IRS2: variants seen among roughly 807,000 people sequenced by gnomAD.
IRS2 encodes insulin receptor substrate 2.
In IRS2, 28 loss-of-function variants were observed where a neutral mutation model predicts 70.9. The ratio of observed to expected loss-of-function variants is 0.39; its 90% CI spans 0.29 to 0.54. The LOEUF (loss-of-function observed/expected upper bound fraction) is 0.54. IRS2 is among the 20% of genes least tolerant of loss of function. The pLI, the probability that IRS2 is intolerant of heterozygous loss-of-function variation, is 0.59. For synonymous variants in IRS2, 1,217 were observed against 981.9 expected (o/e 1.24, Z -4.48); for missense variants, 2,081 against 2,024.1 (o/e 1.03, Z -0.54).
At position 109,785,054 on chromosome 13, in the gene IRS2, T is replaced by TG; in HGVS notation, c.999dup (p.Ser334GlnfsTer205). Reference sequence around the variant, plus strand: ...GAGCGGCGCACCAGGCCCGTCTGGCTGGGGGGCAGGTTGACCAGGTGGTGG... The same window carrying TG: ...GAGCGGCGCACCAGGCCCGTCTGGCTGGGGGGGCAGGTTGACCAGGTGGTGG... On this transcript the variant is annotated frameshift_variant, in exon 1 of 2. Transcript: ENST00000375856. LOFTEE classifies it high-confidence loss of function. The surrounding 1 kb of genome is among the most constrained non-coding windows in gnomAD (Gnocchi z 9.3). 3.8e-6 allele frequency: 6 copies of TG among 1,558,804 alleles called. No individual in the cohort carries two copies. The highest frequency in any genetic ancestry group is 5.2e-6 in the Non-Finnish European group (6 of 1,153,752).
intron 1 of IRS2, among the ~76,000 whole-genome samples, chr13:109,769,544 C>T (rs551692784): frequency 2.6e-5 from 4 of 152,294 alleles, no homozygotes; most frequent in East Asian, 1.9e-4. Context: ...TCTGTAAGAC[C>T]GGCTTCCCCT....
At position 109,784,204 on chromosome 13, in the gene IRS2, G is replaced by T. The variant is rs1210140293; in HGVS notation, c.1850C>A (p.Pro617His). ...GSAGRLCPSC[P>H]ASSPKVAYHP... The stretch of plus-strand genomic sequence containing the variant: ...GTAGGCCACCTTGGGAGAGGACGCG[G>T]GGCAGGACGGGCAGAGGCGGCCCGC... Residue 617 changes from proline to histidine, a missense_variant, in exon 1 of 2, where the codon CCC becomes CAC. This residue lies in a region of IRS2 where 1,615 missense variants were observed against 1,459.5 expected (regional missense o/e 1.11). Transcript: ENST00000375856. The surrounding 1 kb of genome is among the most constrained non-coding windows in gnomAD (Gnocchi z 5.2). 6 of 1,572,064 alleles carry T rather than the reference G, an allele frequency of 3.8e-6. No individual in the cohort carries two copies. The highest frequency in any genetic ancestry group is 1.3e-5 in the African/African-American group (1 of 74,310).
chr13:109,782,476 C>T lies in IRS2; in HGVS notation c.3578G>A (p.Gly1193Asp), dbSNP rs1383650129. 3 of 1,559,196 alleles carry T rather than the reference C, an allele frequency of 1.9e-6. No homozygotes were observed. The highest frequency in any genetic ancestry group is 2.6e-6 in the Non-Finnish European group (3 of 1,152,528). The change falls in exon 1 of 2, where the codon GGC becomes GAC. Residue 1193 changes from glycine (G) to aspartate (D), a missense_variant. By Grantham distance (94) the Gly-to-Asp change is moderately conservative (BLOSUM62 -1). Around this residue, in one of 4 missense-constraint regions of IRS2, gnomAD observed 1,615 missense variants for 1,459.5 expected, o/e 1.11. Coordinates refer to ENST00000375856, the MANE Select transcript of IRS2 (RefSeq NM_003749.3). ...GGGCGGCTCGTCGCCCCCTCCAGGG[C>T]CGACACCCACGCCGCCCTCGCTGCT... The part of the protein sequence containing the change: ...RKSSEGGVGV[G>D]PGGGDEPPTS...
chr13:109,755,540 C>T lies in IRS2; in HGVS notation c.*764G>A, dbSNP rs1240102317. 3 of 210,240 alleles carry T rather than the reference C, an allele frequency of 1.4e-5. No individual in the cohort carries two copies. Among genetic ancestry groups the T allele is most frequent in the East Asian group, 7.1e-5 (1 of 14,004 alleles). The allele number at this position is 210,240 out of a possible 1,614,324, so 13.0% of individuals were successfully genotyped here. ...CCTTCCCAAAGCCCTTCCCTCCCAC[C>T]TCCCACTACCCAATACAGTTGATTT... On this transcript the variant is annotated 3_prime_UTR_variant, in exon 2 of 2. Transcript: ENST00000375856.
Position 109,785,611 on chromosome 13 carries a change from G to T in IRS2, c.443C>A (p.Ala148Glu), listed in dbSNP as rs752123051. ...GGCGGGGGGCGCGTCTCCGGCGGCC[G>T]CGCGGCCCTCGCTGACCAGGTCGGT... ...ALTDLVSEGR[A>E]AAGDAPPAAA... Residue 148 changes from alanine to glutamate, a missense_variant, in exon 1 of 2, where the codon GCG (alanine) becomes GAG (glutamate). Around this residue, in one of 4 missense-constraint regions of IRS2, gnomAD observed 320 missense variants for 352.9 expected, o/e 0.91. Transcript: ENST00000375856. This position sits in a 1 kb window ranked among gnomAD's most constrained non-coding sequence, Gnocchi z 9.3. 5.5e-5 allele frequency: 76 copies of T among 1,384,004 alleles called. No individual in the cohort carries two copies. The highest frequency in any genetic ancestry group is 6.6e-5 in the Non-Finnish European group (70 of 1,062,976). The allele number at this position is 1,384,004 out of a possible 1,614,324, so 85.7% of individuals were successfully genotyped here.
Position 109,783,553 on chromosome 13 carries a change from A to T in IRS2, c.2501T>A (p.Leu834Gln). ...CTGAGGCTCCAGACGCTCCTCCTCC[A>T]GGATGCGCCCCACGGGGGAGCTCAT... ...VLMSSPVGRI[L>Q]EEERLEPQAT... The change falls in exon 1 of 2, where the codon CTG becomes CAG. Residue 834 changes from leucine to glutamine, a missense_variant. Around this residue, in one of 4 missense-constraint regions of IRS2, gnomAD observed 1,615 missense variants for 1,459.5 expected, o/e 1.11. Coordinates refer to ENST00000375856, the MANE Select transcript of IRS2 (RefSeq NM_003749.3). 2 of 1,549,928 alleles carry T rather than the reference A, an allele frequency of 1.3e-6. No individual in the cohort carries two copies. Among genetic ancestry groups the T allele is most frequent in the Non-Finnish European group, 1.7e-6 (2 of 1,146,920 alleles).
Position 109,785,945 on chromosome 13 carries a change from G to A in IRS2, c.109C>T (p.Leu37=), listed in dbSNP as rs2138939675. Residue 37 remains leucine, a synonymous_variant, in exon 1 of 2, where the codon CTG becomes TTG. Transcript: ENST00000375856. The surrounding 1 kb of genome is among the most constrained non-coding windows in gnomAD (Gnocchi z 9.3). ...NNHSVRKCGY[L]RKQKHGHKRF... ...TTGTGGCCATGCTTCTGCTTGCGCAGGTAGCCGCACTTGCGCACGCTGTGG... is the reference window on the plus strand; with the variant it reads ...TTGTGGCCATGCTTCTGCTTGCGCAAGTAGCCGCACTTGCGCACGCTGTGG... The A allele has an allele frequency of 6.7e-7, 1 of 1,498,620 alleles. No homozygotes were observed. Among genetic ancestry groups the A allele is most frequent in the South Asian group, 1.2e-5 (1 of 80,296 alleles). 92.8% of individuals were successfully genotyped at this position (1,498,620 alleles called of 1,614,324 possible).
At chr13:109,776,144 G>A (rs527237569) in intron 1 of IRS2, among the ~76,000 whole-genome samples, 28 of 121,576 alleles carry the variant, frequency 2.3e-4, no homozygotes, top group Non-Finnish European at 2.2e-4. Context: ...GTGAGACTCC[G>A]TCTCAAAAAA....
In IRS2 at chr13:109,785,422, T is replaced by C; in HGVS notation, c.632A>G (p.Lys211Arg). 5 of 1,612,390 alleles carry C rather than the reference T, an allele frequency of 3.1e-6. No individual in the cohort carries two copies. The South Asian group carries it at 4.4e-5, about 14-fold the overall frequency. Residue 211 changes from lysine (K) to arginine (R), a missense_variant, in exon 1 of 2, where the codon AAG becomes AGG. Physicochemically the swap from Lys to Arg is conservative, Grantham distance 26. Transcript: ENST00000375856. This position sits in a 1 kb window ranked among gnomAD's most constrained non-coding sequence, Gnocchi z 9.3. ...CAGACGGTACACCCCCGTCAGGTTC[T>C]TGCTCTGGCCCAGACCCTTGGGCTT... ...NLKPKGLGQS[K>R]NLTGVYRLCL...
chr13:109,785,717 T>C lies in IRS2; in HGVS notation c.337A>G (p.Ile113Val), dbSNP rs1877901091. 2 of 1,600,426 alleles carry C rather than the reference T, an allele frequency of 1.2e-6. No individual in the cohort carries two copies. The highest frequency in any genetic ancestry group is 1.7e-6 in the Non-Finnish European group (2 of 1,178,078). ...KRADAKHKYLIALYTKDEYFA... is the reference protein window; with the variant it reads ...KRADAKHKYLVALYTKDEYFA... The stretch of plus-strand genomic sequence containing the variant: ...TACTCGTCCTTGGTGTAGAGGGCGA[T>C]CAGGTACTTGTGCTTGGCGTCGGCG... The change falls in exon 1 of 2, where the codon ATC becomes GTC. Residue 113 changes from isoleucine to valine, a missense_variant. Transcript: ENST00000375856. The surrounding 1 kb of genome is among the most constrained non-coding windows in gnomAD (Gnocchi z 9.3).
intron 1 of IRS2, among the ~76,000 whole-genome samples, chr13:109,779,050 G>A (rs2138926131): frequency 6.6e-6 from 1 of 152,190 alleles, no homozygotes; most frequent in South Asian, 2.1e-4. Flanking sequence ...CCTCAAATAA[G>A]ATGCATAATT....
intron 1 of IRS2, among the ~76,000 whole-genome samples, chr13:109,772,435 C>T (rs956301702): frequency 6.6e-5 from 10 of 152,188 alleles, no homozygotes; most frequent in African/African-American, 2.2e-4. Flanking sequence ...CAGGGCGCTC[C>T]GAACGTGGCT....
chr13:109,770,270 G>C (rs556611679), intron 1 of IRS2, among the ~76,000 whole-genome samples: 2 of 152,292 alleles, frequency 1.3e-5, no homozygotes, highest in South Asian at 4.1e-4. Flanking sequence ...AGCCTTTGGG[G>C]CTGCCTACAA....
At chr13:109,759,639 CCTGAA>C (rs1447558863) in intron 1 of IRS2, among the ~76,000 whole-genome samples, 1 of 152,098 alleles carries the variant, frequency 6.6e-6, no homozygotes, top group Non-Finnish European at 1.5e-5. Flanking sequence ...AAGCCATCTG[CCTGAA>C]CTGATGTCTC....
In IRS2 at chr13:109,782,568, G is replaced by A. The variant is rs1362645395; in HGVS notation, c.3486C>T (p.Ser1162=). The A allele has an allele frequency of 1.3e-6, 2 of 1,569,210 alleles. No individual in the cohort carries two copies. Among genetic ancestry groups the A allele is most frequent in the South Asian group, 2.3e-5 (2 of 85,976 alleles). ...FSSTTTVTPV[S]PSFAHNPKRH... ...GCTTGGGGTTGTGGGCGAAGGACGG[G>A]GACACGGGGGTGACCGTCGTGGTGG... is the stretch of plus-strand genomic sequence containing the variant. Residue 1162 remains serine, a synonymous_variant, in exon 1 of 2, where the codon TCC becomes TCT. Transcript: ENST00000375856.
In IRS2 at chr13:109,782,945, C is replaced by CCGGCGG. The variant is rs764184247; in HGVS notation, c.3103_3108dup (p.Pro1035_Pro1036dup). ...GGCAGGCGGTACAGCTCCCCCGGGGCCGGCGGCGGTGGCGGCGGCTGCAGA... is the reference window on the plus strand; with the variant it reads ...GGCAGGCGGTACAGCTCCCCCGGGGCCGGCGGCGGCGGCGGTGGCGGCGGCTGCAGA... On this transcript the variant is annotated inframe_insertion, in exon 1 of 2. Transcript: ENST00000375856. The CCGGCGG allele has an allele frequency of 4.8e-6, 7 of 1,447,160 alleles. No homozygotes were observed. Among genetic ancestry groups the CCGGCGG allele is most frequent in the African/African-American group, 3.1e-5 (2 of 64,990 alleles). The allele number at this position is 1,447,160 out of a possible 1,614,324, so 89.6% of individuals were successfully genotyped here. A position where few individuals can be genotyped will look rare whatever the true frequency, so the allele number is the denominator to read the frequency against.
intron 1 of IRS2, among the ~76,000 whole-genome samples, chr13:109,768,606 G>A (rs1877385536): frequency 8.3e-6 from 1 of 120,260 alleles, no homozygotes; most frequent in African/African-American, 4.0e-5. Context: ...TTGATAAGCC[G>A]ATGGTTAGCA....
In IRS2 at chr13:109,757,829, G is replaced by A. The variant is rs145860032; in HGVS notation, c.4013-1521C>T. Among the ~76,000 whole-genome samples the A allele has an allele frequency of 4.7e-3, 711 of 152,076 alleles. 7 individuals carry two copies. Among genetic ancestry groups the A allele is most frequent in the Middle Eastern group, 0.02 (6 of 294 alleles). The stretch of plus-strand genomic sequence containing the variant: ...CCCAAGTAGCTGGGATTACAGGTAC[G>A]TGCCACCATGCCTGGCTAATTTTTG... On this transcript the variant is annotated intron_variant, in intron 1 of 1. Coordinates refer to ENST00000375856, the MANE Select transcript of IRS2 (RefSeq NM_003749.3).
chr13:109,784,394 G>A lies in IRS2; in HGVS notation c.1660C>T (p.Arg554Cys). 6.2e-7 allele frequency: 1 copy of A among 1,610,466 alleles called. No homozygotes were observed. The highest frequency in any genetic ancestry group is 8.5e-7 in the Non-Finnish European group (1 of 1,179,304). ...TCCCCCGAGACCCGGCGGTAGGAGC[G>A]GCCACAGTGGCTCAGGGGCCTGTCC... ...TMDRPLSHCG[R>C]SYRRVSGDAA... Residue 554 changes from arginine to cysteine, a missense_variant, in exon 1 of 2, where the codon CGC (arginine) becomes TGC (cysteine). By Grantham distance (180) the Arg-to-Cys change is radical. Around this residue, in one of 4 missense-constraint regions of IRS2, gnomAD observed 1,615 missense variants for 1,459.5 expected, o/e 1.11. Coordinates refer to ENST00000375856, the MANE Select transcript of IRS2 (RefSeq NM_003749.3). The surrounding 1 kb of genome is among the most constrained non-coding windows in gnomAD (Gnocchi z 5.2).
Sources: allele counts gnomAD v4.1 joint callset (sites outside exome capture counted in the v4.1 genomes callset), GRCh38; gene constraint gnomAD v4.1.1; regional missense constraint gnomAD v4.1.1; non-coding constraint Gnocchi (gnomAD v3.1); transcripts MANE v1.5; gene names NCBI Gene and HGNC (gene_info 2026-07-23, HGNC 2026-07-21).